Variants in DPP10 observed in about 807,000 individuals in gnomAD.
DPP10 encodes the protein inactive dipeptidyl peptidase 10.
DPP10 carries 33 observed loss-of-function variants against 120.9 expected under a neutral mutation model. The ratio of observed to expected loss-of-function variants is 0.27; its 90% CI spans 0.21 to 0.37. DPP10 has a LOEUF of 0.37. Among genes scored for constraint, DPP10 ranks in the 10% least tolerant of loss-of-function variants. The pLI is 1.00. For missense variants in DPP10, 816 were observed against 942.8 expected, an observed-to-expected ratio of 0.87 and a Z score of 1.76; for synonymous variants, 337 against 326.1, an observed-to-expected ratio of 1.03 and a Z score of -0.36.
chr2:115,774,094 A>G (rs983907629), intron 13 of DPP10, among the ~76,000 whole-genome samples: 6 of 152,064 alleles, frequency 3.9e-5, no homozygotes, highest in Admixed American at 2.6e-4. Context: ...TAAAAGGATC[A>G]TTGAAGTAAA....
intron 3 of DPP10, among the ~76,000 whole-genome samples, chr2:115,486,830 T>C (rs1478485389): frequency 6.6e-6 from 1 of 152,134 alleles, no homozygotes; most frequent in East Asian, 1.9e-4. Context: ...ACATTTTAGC[T>C]ACAAATCAGA....
chr2:115,015,906 T>C (rs1702599663), intron 1 of DPP10, among the ~76,000 whole-genome samples: 1 of 152,152 alleles, frequency 6.6e-6, no homozygotes, highest in Non-Finnish European at 1.5e-5. Flanking sequence ...GCCAATATTG[T>C]GAACATGGCC....
At chr2:115,311,577 G>T (rs1187503927) in intron 2 of DPP10, among the ~76,000 whole-genome samples, 1 of 152,116 alleles carries the variant, frequency 6.6e-6, no homozygotes, top group African/African-American at 2.4e-5. Context: ...TAATTGTGGA[G>T]TTCTCACCAC....
At chr2:115,620,154 G>A (rs530051350) in intron 5 of DPP10, among the ~76,000 whole-genome samples, 10 of 152,300 alleles carry the variant, frequency 6.6e-5, no homozygotes, top group African/African-American at 1.2e-4. Context: ...CGAACAGAGC[G>A]CTGGGCCAGG....
At chr2:115,386,719 A>T (rs1157554458) in intron 3 of DPP10, among the ~76,000 whole-genome samples, 1 of 152,044 alleles carries the variant, frequency 6.6e-6, no homozygotes, top group Admixed American at 6.5e-5. Context: ...TTCTTTGGCA[A>T]AGAGGAAGGA....
At chr2:114,571,282 GCTGTTTAAAAGTGTGGTGCCTC>G (rs1165901516) in intron 1 of DPP10, among the ~76,000 whole-genome samples, 1 of 151,980 alleles carries the variant, frequency 6.6e-6, no homozygotes, top group East Asian at 1.9e-4. Flanking sequence ...GTGAGATCTG[GCTGTTTAAAAGTGTGGTGCCTC>G]CTCACTCTCT....
intron 5 of DPP10, among the ~76,000 whole-genome samples, chr2:115,654,265 T>G (rs2088081392): frequency 6.6e-6 from 1 of 151,798 alleles, no homozygotes; most frequent in Non-Finnish European, 1.5e-5. Context: ...GGCAACATAC[T>G]CAATAGTACA....
At chr2:115,046,602 G>C (rs529781398) in intron 1 of DPP10, among the ~76,000 whole-genome samples, 1 of 152,244 alleles carries the variant, frequency 6.6e-6, no homozygotes, top group East Asian at 1.9e-4. Flanking sequence ...TTTGTACTTT[G>C]AATAGTTAAT....
chr2:115,782,035 T>C (rs1682824116), intron 16 of DPP10, among the ~76,000 whole-genome samples: 1 of 151,954 alleles, frequency 6.6e-6, no homozygotes, highest in Non-Finnish European at 1.5e-5. Context: ...TTTGTGAACA[T>C]CAGTGGCTAG....
At chr2:115,603,067 G>A (rs2083433299) in intron 5 of DPP10, among the ~76,000 whole-genome samples, 1 of 151,430 alleles carries the variant, frequency 6.6e-6, no homozygotes, top group Admixed American at 6.6e-5. Context: ...AAGGGTCATA[G>A]TTCTCTTTAT....
chr2:115,381,962 C>G (rs1174889074), intron 3 of DPP10, among the ~76,000 whole-genome samples: 7 of 152,128 alleles, frequency 4.6e-5, no homozygotes, highest in South Asian at 2.1e-4. Flanking sequence ...TCAAAGCTGT[C>G]AGACAGGGAC....
intron 1 of DPP10, among the ~76,000 whole-genome samples, chr2:114,458,208 C>T (rs189906448): frequency 6.6e-6 from 1 of 152,302 alleles, no homozygotes; most frequent in Admixed American, 6.5e-5. Flanking sequence ...AAAGCCTTAA[C>T]AAATAGTACC....
chr2:115,794,093 T>C (rs1039524882), intron 19 of DPP10, among the ~76,000 whole-genome samples: 1 of 152,172 alleles, frequency 6.6e-6, no homozygotes, highest in East Asian at 1.9e-4. Context: ...ATTATTTTTT[T>C]CGCAAATGAG....
chr2:115,350,744 A>G (rs538055776), intron 3 of DPP10, among the ~76,000 whole-genome samples: 2 of 152,206 alleles, frequency 1.3e-5, no homozygotes, highest in South Asian at 4.2e-4. Flanking sequence ...GAGACATAAT[A>G]TTTCCTGTAG....
At chr2:114,460,696 G>A (rs954521820) in intron 1 of DPP10, among the ~76,000 whole-genome samples, 7 of 152,018 alleles carry the variant, frequency 4.6e-5, no homozygotes, top group Non-Finnish European at 1.0e-4. Flanking sequence ...TTGTAGCTTA[G>A]TTTGCGTTAC....
chr2:114,701,381 TG>T (rs1187245051), intron 1 of DPP10, among the ~76,000 whole-genome samples: 2 of 152,124 alleles, frequency 1.3e-5, no homozygotes, highest in African/African-American at 4.8e-5. Context: ...GTTCATTAGA[TG>T]AGGCAGGATT....
intron 1 of DPP10, among the ~76,000 whole-genome samples, chr2:114,581,950 G>C (rs183889136): frequency 6.6e-6 from 1 of 152,228 alleles, no homozygotes; most frequent in East Asian, 1.9e-4. Flanking sequence ...TGATGAACCT[G>C]TATTGACACA....
At chr2:114,911,890 A>G (rs1202915855) in intron 1 of DPP10, among the ~76,000 whole-genome samples, 1 of 152,168 alleles carries the variant, frequency 6.6e-6, no homozygotes, top group Non-Finnish European at 1.5e-5. Flanking sequence ...GAGAGAACTT[A>G]GGAGGCTGAG....
intron 3 of DPP10, among the ~76,000 whole-genome samples, chr2:115,349,024 G>C (rs116386810): frequency 2.6e-5 from 4 of 152,060 alleles, no homozygotes; most frequent in Non-Finnish European, 5.9e-5. Flanking sequence ...AAACGATGAG[G>C]AATAACTGTC....
Sources: gnomAD v4.1 joint callset for allele counts (sites outside exome capture counted in the v4.1 genomes callset) on GRCh38, gnomAD v4.1.1 for gene constraint, MANE v1.5 for transcripts, NCBI Gene and HGNC (gene_info 2026-07-23, HGNC 2026-07-21) for gene names.